Variants in DYM observed in about 807,000 individuals in gnomAD.
DYM encodes the protein dyggve-Melchior-Clausen syndrome protein.
Under a neutral mutation model 93.1 loss-of-function variants are expected in DYM, and 78 were observed. The ratio of observed to expected loss-of-function variants is 0.84; its 90% CI spans 0.70 to 1.01. DYM has a LOEUF of 1.01. DYM is among the 50% of genes least tolerant of loss of function. The probability of loss-of-function intolerance (pLI) is 0.00; values close to 1 mark genes in which losing one functional copy is unlikely to be tolerated. For synonymous variants in DYM, 321 were observed against 319.7 expected, an observed-to-expected ratio of 1.00 and a Z score of -0.04; for missense variants, 789 against 845.0, an observed-to-expected ratio of 0.93 and a Z score of 0.82.
At chr18:49,261,113 G>C (rs1297460063) in intron 11 of DYM, among the ~76,000 whole-genome samples, 2 of 152,166 alleles carry the variant, frequency 1.3e-5, no homozygotes, top group African/African-American at 4.8e-5. Flanking sequence ...TTAGGAATGA[G>C]AAGGGAGTAC....
intron 10 of DYM, among the ~76,000 whole-genome samples, chr18:49,272,582 T>G (rs1276809316): frequency 1.3e-5 from 2 of 152,194 alleles, no homozygotes; most frequent in African/African-American, 2.4e-5. Flanking sequence ...TTGTTTGTTT[T>G]GAAGATTTTA....
In DYM at chr18:49,333,730, T is replaced by TG; in HGVS notation, c.617dup (p.Cys207MetfsTer15). 3 of 1,613,872 alleles carry TG rather than the reference T, an allele frequency of 1.9e-6. No homozygotes were observed. The highest frequency in any genetic ancestry group is 2.5e-6 in the Non-Finnish European group (3 of 1,179,820). The stretch of plus-strand genomic sequence containing the variant: ...ACATACTTAAAGTAGAAACATACCA[T>TG]GGACCTCGCATCAAATACTTGTGGC... On this transcript the variant is annotated frameshift_variant, in exon 7 of 18. Coordinates refer to ENST00000675505, the MANE Select transcript of DYM (RefSeq NM_001353214.3). LOFTEE classifies it high-confidence loss of function.
chr18:49,176,648 C>G (rs1230019093), intron 14 of DYM, among the ~76,000 whole-genome samples: 1 of 147,726 alleles, frequency 6.8e-6, no homozygotes, highest in Non-Finnish European at 1.5e-5. Context: ...CTTCTGGCCT[C>G]AAATGATCCT....
At chr18:49,385,954 C>T (rs1343485161) in intron 3 of DYM, among the ~76,000 whole-genome samples, 1 of 152,038 alleles carries the variant, frequency 6.6e-6, no homozygotes, top group Non-Finnish European at 1.5e-5. Flanking sequence ...GAGATGCATG[C>T]CACCATGCCA....
At chr18:49,317,592 TCTCTCCC>T (rs1568235969) in intron 8 of DYM, among the ~76,000 whole-genome samples, 8 of 11,446 alleles carry the variant, frequency 7.0e-4, no homozygotes, top group Admixed American at 2.7e-3. Flanking sequence ...TCTCTCTCTC[TCTCTCCC>T]CCCTCCCCCC....
rs145754577 is a variant in DYM, at chr18:49,262,328, G to A, written c.1252-3835C>T. Among the ~76,000 whole-genome samples the A allele has an allele frequency of 8.3e-4, 126 of 152,206 alleles. 1 individual carries two copies. Among genetic ancestry groups the A allele is most frequent in the African/African-American group, 2.8e-3 (116 of 41,546 alleles). ...GAGCCTTCAGAGAGAGCATGGCCCC[G>A]CTGACACCTTGACTTTGGACTTTCA... On this transcript the variant is annotated intron_variant, in intron 11 of 17. Transcript: ENST00000675505.
At chr18:49,229,539 T>C (rs1281187607) in intron 13 of DYM, among the ~76,000 whole-genome samples, 1 of 152,182 alleles carries the variant, frequency 6.6e-6, no homozygotes, top group Non-Finnish European at 1.5e-5. Context: ...ACATTATTTG[T>C]CATTAGGGAA....
At chr18:49,047,991 C>G (rs758761489) in intron 17 of DYM, 1 of 152,282 alleles carries the variant, frequency 6.6e-6, no homozygotes. Context: ...GCTAAGTGCT[C>G]GGTTGCAAGG....
intron 5 of DYM, among the ~76,000 whole-genome samples, chr18:49,374,215 T>C (rs1490057225): frequency 6.6e-6 from 1 of 152,154 alleles, no homozygotes; most frequent in Non-Finnish European, 1.5e-5. Context: ...ATAAAGTATA[T>C]AACATTCAAA....
At chr18:49,237,757 G>A (rs2093913964) in intron 13 of DYM, among the ~76,000 whole-genome samples, 1 of 152,104 alleles carries the variant, frequency 6.6e-6, no homozygotes, top group South Asian at 2.1e-4. Flanking sequence ...TTTCTTGTGT[G>A]TCCTTCCAGA....
At chr18:49,225,823 T>G (rs1015161799) in intron 13 of DYM, among the ~76,000 whole-genome samples, 6 of 152,150 alleles carry the variant, frequency 3.9e-5, no homozygotes, top group Non-Finnish European at 8.8e-5. Flanking sequence ...TGAACATTTG[T>G]AGAAACATAA....
intron 16 of DYM, among the ~76,000 whole-genome samples, chr18:49,106,016 T>A (rs1257478556): frequency 6.6e-6 from 1 of 152,146 alleles, no homozygotes; most frequent in Non-Finnish European, 1.5e-5. Flanking sequence ...GGTGTTAGAG[T>A]CTCCCATTAT....
chr18:49,222,434 G>C (rs889638420), intron 13 of DYM, among the ~76,000 whole-genome samples: 1 of 152,106 alleles, frequency 6.6e-6, no homozygotes, highest in African/African-American at 2.4e-5. Context: ...ATACAAATGA[G>C]TTTGAGACAT....
intron 15 of DYM, among the ~76,000 whole-genome samples, chr18:49,139,352 ATTATT>A (rs1175018009): frequency 1.3e-5 from 2 of 152,082 alleles, no homozygotes; most frequent in African/African-American, 4.8e-5. Flanking sequence ...AATGTGTACT[ATTATT>A]TTAAATTTTA....
intron 17 of DYM, among the ~76,000 whole-genome samples, chr18:49,069,199 A>G (rs2076696372): frequency 6.6e-6 from 1 of 152,248 alleles, no homozygotes; most frequent in Admixed American, 6.5e-5. Context: ...TGAATAAACT[A>G]AATTGTTATA....
At position 49,038,846 on chromosome 18, in the gene DYM, T is replaced by C. The variant is rs938676934; in HGVS notation, c.*5209A>G. Among the ~76,000 whole-genome samples the C allele has an allele frequency of 6.6e-6, 1 of 152,228 alleles. No homozygotes were observed. Among genetic ancestry groups the C allele is most frequent in the Non-Finnish European group, 1.5e-5 (1 of 68,044 alleles). ...TGAGTTATCAAAGACTAATATTAAA[T>C]GAATTTTTACTCTCTTCTTGGATGA... is the stretch of plus-strand genomic sequence containing the variant. On this transcript the variant is annotated 3_prime_UTR_variant, in exon 18 of 18. Transcript: ENST00000675505.
intron 2 of DYM, among the ~76,000 whole-genome samples, chr18:49,399,904 A>G (rs1453329083): frequency 3.6e-5 from 4 of 110,266 alleles, no homozygotes; most frequent in Non-Finnish European, 6.3e-5. Flanking sequence ...CTGTTAAAAT[A>G]TTTTTTAAAA....
At chr18:49,138,891 CATT>C (rs952126515) in intron 15 of DYM, among the ~76,000 whole-genome samples, 6 of 152,058 alleles carry the variant, frequency 3.9e-5, no homozygotes, top group African/African-American at 1.4e-4. Flanking sequence ...AGTCAAGCGT[CATT>C]AGAAATTCCA....
intron 8 of DYM, among the ~76,000 whole-genome samples, chr18:49,319,835 T>C (rs1020701196): frequency 2.0e-5 from 3 of 152,280 alleles, no homozygotes; most frequent in African/African-American, 7.2e-5. Flanking sequence ...CTCTTCCTTT[T>C]GTCAAGTATG....
Sources: allele counts gnomAD v4.1 joint callset (sites outside exome capture counted in the v4.1 genomes callset), GRCh38; gene constraint gnomAD v4.1.1; transcripts MANE v1.5; gene names NCBI Gene and HGNC (gene_info 2026-07-23, HGNC 2026-07-21).